DOCK2: variants seen among roughly 807,000 people sequenced by gnomAD.
DOCK2 encodes the protein dedicator of cytokinesis protein 2.
DOCK2 carries 87 observed loss-of-function variants against 248.9 expected under a neutral mutation model. The observed-to-expected ratio is 0.35, with a 90% CI of 0.29 to 0.42. The LOEUF is 0.42. Ranked by LOEUF, DOCK2 falls within the 10% of genes least tolerant of loss-of-function variation. DOCK2 has a pLI of 1.00. For synonymous variants in DOCK2, 805 were observed against 821.6 expected (o/e 0.98, Z 0.35); for missense variants, 1,747 against 2,300.2 (o/e 0.76, Z 4.92).
At position 169,841,279 on chromosome 5, in the gene DOCK2, A is replaced by G. The variant is rs80346331; in HGVS notation, c.2799+427A>G. Reference sequence around the variant, plus strand: ...GCTTCATTGCGTGTTAATTCTGCCCATAGATGCTGGTTATTCAAGGTCATT... The same window carrying G: ...GCTTCATTGCGTGTTAATTCTGCCCGTAGATGCTGGTTATTCAAGGTCATT... On this transcript the variant is annotated intron_variant, in intron 27 of 51. Transcript: ENST00000520908. 4.0e-4 allele frequency: 384 copies of G among 965,304 alleles called. 2 individuals carry two copies. The African/African-American group carries it at 6.1e-3, about 15-fold the overall frequency. 59.8% of individuals were successfully genotyped at this position (965,304 alleles called of 1,614,324 possible).
chr5:169,643,729 G>A (rs966054939), intron 1 of DOCK2, among the ~76,000 whole-genome samples: 13 of 152,132 alleles, frequency 8.5e-5, no homozygotes, highest in Non-Finnish European at 1.5e-4. Context: ...GACTGCACAC[G>A]GCCCCTTGGA....
chr5:169,839,667 A>G (rs1410855267), intron 26 of DOCK2, among the ~76,000 whole-genome samples: 1 of 152,248 alleles, frequency 6.6e-6, no homozygotes, highest in African/African-American at 2.4e-5. Flanking sequence ...AAGTAGCCAG[A>G]ACCCAATACC....
rs774542703 is a variant in DOCK2, at chr5:170,082,839, C to A, written c.5474C>A (p.Ser1825Ter). ...GAAGAAGGCAAACAGATCCCAGACTCGCTGTCCACGGACCTGTGAGCTGCT... is the reference window on the plus strand; with the variant it reads ...GAAGAAGGCAAACAGATCCCAGACTAGCTGTCCACGGACCTGTGAGCTGCT... ...SAEEGKQIPD[S>*]LSTDL The change falls in exon 52 of 52, where the codon TCG becomes TAG. Residue 1825 changes from serine (S) to a stop codon, truncating the protein, a stop_gained. Transcript: ENST00000520908. LOFTEE classifies it high-confidence loss of function. The A allele has an allele frequency of 3.7e-6, 6 of 1,614,204 alleles. No individual in the cohort carries two copies. The highest frequency in any genetic ancestry group is 5.1e-6 in the Non-Finnish European group (6 of 1,180,030).
chr5:169,712,567 G>A (rs1169230512), intron 17 of DOCK2, among the ~76,000 whole-genome samples: 1 of 152,250 alleles, frequency 6.6e-6, no homozygotes, highest in African/African-American at 2.4e-5. Context: ...TGTGGCATGT[G>A]TAGAGGATGT....
chr5:169,661,894 G>A (rs1296672419), intron 2 of DOCK2, among the ~76,000 whole-genome samples: 1 of 152,124 alleles, frequency 6.6e-6, no homozygotes, highest in Non-Finnish European at 1.5e-5. Context: ...TCCGTATCTT[G>A]GCTATTGTGA....
intron 34 of DOCK2, among the ~76,000 whole-genome samples, chr5:170,030,803 C>T (rs1756106344): frequency 6.6e-6 from 1 of 152,222 alleles, no homozygotes; most frequent in Non-Finnish European, 1.5e-5. Flanking sequence ...CCAGCCTTTC[C>T]TCCCAGCCCC....
At chr5:170,063,509 C>T (rs1189805728) in intron 44 of DOCK2, among the ~76,000 whole-genome samples, 11 of 152,196 alleles carry the variant, frequency 7.2e-5, no homozygotes, top group Non-Finnish European at 1.6e-4. Flanking sequence ...TACTTGATGG[C>T]CTGGCAGCTA....
chr5:169,711,462 C>T (rs960986962), intron 15 of DOCK2, among the ~76,000 whole-genome samples: 2 of 152,128 alleles, frequency 1.3e-5, no homozygotes, highest in African/African-American at 4.8e-5. Flanking sequence ...AGGATTTTTC[C>T]AAATATTATT....
At chr5:170,011,344 A>C (rs1175115938) in intron 32 of DOCK2, among the ~76,000 whole-genome samples, 2 of 152,370 alleles carry the variant, frequency 1.3e-5, no homozygotes, top group South Asian at 4.1e-4. Context: ...AAGATCATGT[A>C]GTGGGTTAGA....
At chr5:169,660,166 G>A (rs921522708) in intron 2 of DOCK2, among the ~76,000 whole-genome samples, 1 of 152,136 alleles carries the variant, frequency 6.6e-6, no homozygotes, top group Non-Finnish European at 1.5e-5. Flanking sequence ...ACTGTGTTTG[G>A]ATGTAGTTTT....
chr5:169,664,697 C>T (rs10055343), intron 2 of DOCK2, among the ~76,000 whole-genome samples: 90,288 of 151,854 alleles, frequency 0.59, 27,167 homozygotes, highest in South Asian at 0.72. Context: ...TCAGATCTCA[C>T]GAGAACTCGT....
chr5:169,875,910 A>C (rs1772303522), intron 27 of DOCK2: 1 of 152,242 alleles, frequency 6.6e-6, no homozygotes, highest in African/African-American at 2.4e-5. Flanking sequence ...CCCTTTGTTG[A>C]AATTACCACA....
At chr5:169,735,029 A>G (rs262865) in intron 22 of DOCK2, among the ~76,000 whole-genome samples, 134,635 of 152,218 alleles carry the variant, frequency 0.88, 59,641 homozygotes, top group East Asian at 0.98. Context: ...TCCAGCTTTG[A>G]TAGTTGTTTT....
At chr5:169,861,715 C>A (rs775307547) in intron 27 of DOCK2, among the ~76,000 whole-genome samples, 102 of 152,090 alleles carry the variant, frequency 6.7e-4, no homozygotes, top group Non-Finnish European at 8.8e-4. Flanking sequence ...GTGTTTTAAA[C>A]ATAGAGACGA....
chr5:170,056,606 C>A, intron 42 of DOCK2, 78 bp from the exon 43 acceptor site: 1 of 1,242,872 alleles, frequency 8.0e-7, no homozygotes, highest in South Asian at 1.2e-5. Flanking sequence ...ATGAACCTCC[C>A]TGGACAGTGC....
chr5:169,992,153 A>G (rs1028171333), intron 29 of DOCK2, among the ~76,000 whole-genome samples: 1 of 152,174 alleles, frequency 6.6e-6, no homozygotes, highest in Non-Finnish European at 1.5e-5. Flanking sequence ...AAAGTTACCT[A>G]AACTCACGTC....
chr5:169,973,024 G>A lies in DOCK2; in HGVS notation c.2800-10044G>A, dbSNP rs553653892. The stretch of plus-strand genomic sequence containing the variant: ...GTGCTAAAAGAGGCCTGGATGATAC[G>A]TTTGGCTTGAAGTTTAATACATGAT... On this transcript the variant is annotated intron_variant, in intron 27 of 51. Transcript: ENST00000520908. Among the ~76,000 whole-genome samples the A allele has an allele frequency of 1.9e-3, 284 of 152,236 alleles. 1 individual carries two copies. The highest frequency in any genetic ancestry group is 6.6e-3 in the African/African-American group (274 of 41,540).
chr5:169,968,507 T>TG (rs1350889188), intron 27 of DOCK2, among the ~76,000 whole-genome samples: 5 of 152,042 alleles, frequency 3.3e-5, no homozygotes, highest in East Asian at 1.9e-4. Context: ...GAAGAAACAT[T>TG]GGGGGGTCAA....
At chr5:170,000,392 T>C (rs183028051) in intron 30 of DOCK2, 4 of 152,312 alleles carry the variant, frequency 2.6e-5, no homozygotes, top group African/African-American at 9.6e-5. Context: ...TTGATTGACT[T>C]TTCTGTTAAA....
Sources: gnomAD v4.1 joint callset for allele counts (sites outside exome capture counted in the v4.1 genomes callset) on GRCh38, gnomAD v4.1.1 for gene constraint, MANE v1.5 for transcripts, NCBI Gene and HGNC (gene_info 2026-07-23, HGNC 2026-07-21) for gene names.